PRDM2: variants seen among roughly 807,000 people sequenced by gnomAD.
PRDM2 encodes the protein PR/SET domain 2, also known as PR domain zinc finger protein 2.
Under a neutral mutation model 130.0 loss-of-function variants are expected in PRDM2, and 30 were observed. The observed-to-expected ratio is 0.23, with a 90% CI of 0.17 to 0.31. The LOEUF is 0.31. Ranked by LOEUF, PRDM2 falls within the 10% of genes least tolerant of loss-of-function variation. PRDM2 has a pLI of 1.00. For synonymous variants in PRDM2, 871 were observed against 782.4 expected (o/e 1.11, Z -1.89); for missense variants, 2,011 against 2,108.4 (o/e 0.95, Z 0.90).
At chr1:13,777,728 A>G (rs980511907) in intron 7 of PRDM2, among the ~76,000 whole-genome samples, 2 of 127,840 alleles carry the variant, frequency 1.6e-5, no homozygotes, top group Non-Finnish European at 3.2e-5. Context: ...GCCTTCTACC[A>G]CCCACCTCAG....
At chr1:13,802,671 C>T (rs1403739630) in intron 8 of PRDM2, among the ~76,000 whole-genome samples, 1 of 152,216 alleles carries the variant, frequency 6.6e-6, no homozygotes, top group Non-Finnish European at 1.5e-5. Context: ...AGTGTCCTTA[C>T]AGAATCTTAC....
At chr1:13,704,740 T>C (rs1642157687) in intron 1 of PRDM2, 1 of 152,228 alleles carries the variant, frequency 6.6e-6, no homozygotes, top group Non-Finnish European at 1.5e-5. Flanking sequence ...TTTCACATAA[T>C]TTAAATTATG....
At chr1:13,719,352 G>A (rs1022892372) in intron 2 of PRDM2, among the ~76,000 whole-genome samples, 1 of 152,208 alleles carries the variant, frequency 6.6e-6, no homozygotes, top group African/African-American at 2.4e-5. Context: ...CGGAGAGCAA[G>A]CTATGGTCTG....
intron 6 of PRDM2, among the ~76,000 whole-genome samples, chr1:13,761,634 C>T (rs1483898238): frequency 1.3e-5 from 2 of 152,016 alleles, no homozygotes; most frequent in African/African-American, 4.8e-5. Flanking sequence ...TGTTTACGTC[C>T]GTTTGTGACT....
chr1:13,778,487 C>T lies in PRDM2; in HGVS notation c.692C>T (p.Ala231Val). The T allele has an allele frequency of 6.2e-7, 1 of 1,614,142 alleles. No homozygotes were observed. Among genetic ancestry groups the T allele is most frequent in the Non-Finnish European group, 8.5e-7 (1 of 1,180,006 alleles). ...CAGCCGGCCACCCTCCAGGAGGTGG[C>T]CAGTCAGGAGGTGCCTCCAGAACTA... Reference protein sequence around the residue: ...LEQPATLQEVASQEVPPELAT... With the variant: ...LEQPATLQEVVSQEVPPELAT... Residue 231 changes from alanine (A) to valine (V), a missense_variant, in exon 8 of 10, where the codon GCC becomes GTC. Physicochemically the swap from Ala to Val is moderately conservative, Grantham distance 64. Around this residue, in one of 5 missense-constraint regions of PRDM2, gnomAD observed 1,288 missense variants for 1,237.7 expected, o/e 1.04. Transcript: ENST00000311066.
intron 9 of PRDM2, among the ~76,000 whole-genome samples, chr1:13,818,379 CTT>C (rs70984285): frequency 0.067 from 8,559 of 127,794 alleles, 298 homozygotes; most frequent in Non-Finnish European, 0.097. Flanking sequence ...TCTCTCTTTC[CTT>C]TTTTTTTTTT....
chr1:13,762,116 A>G (rs1479207463), intron 6 of PRDM2, among the ~76,000 whole-genome samples: 3 of 152,210 alleles, frequency 2.0e-5, no homozygotes, highest in Non-Finnish European at 4.4e-5. Context: ...CCATTTATTG[A>G]GTCTGTGCCA....
At chr1:13,809,205 T>C (rs1443296748) in intron 8 of PRDM2, among the ~76,000 whole-genome samples, 1 of 152,108 alleles carries the variant, frequency 6.6e-6, no homozygotes, top group Admixed American at 6.5e-5. Context: ...GCCATGGGGT[T>C]TTGACAGGTT....
chr1:13,781,564 A>G lies in PRDM2; in HGVS notation c.3769A>G (p.Lys1257Glu), dbSNP rs917968391. ...SLPEDPLETS[K>E]EEEELNDSSE... is the part of the protein sequence containing the mutation. ...GCCAGAAGATCCTTTAGAAACTTCTAAAGAAGAAGAGGAGTTAAATGATTC... is the reference window on the plus strand; with the variant it reads ...GCCAGAAGATCCTTTAGAAACTTCTGAAGAAGAAGAGGAGTTAAATGATTC... Residue 1257 changes from lysine (K) to glutamate (E), a missense_variant, in exon 8 of 10, where the codon AAA becomes GAA. Lys to Glu is a moderately conservative substitution (Grantham distance 56). This residue lies in a region of PRDM2 where 229 missense variants were observed against 364.1 expected (regional missense o/e 0.63). Coordinates refer to ENST00000311066, the MANE Select transcript of PRDM2 (RefSeq NM_001393986.1). This position sits in a 1 kb window ranked among gnomAD's most constrained non-coding sequence, Gnocchi z 6.1. 1.2e-6 allele frequency: 2 copies of G among 1,612,494 alleles called. No individual in the cohort carries two copies. Among genetic ancestry groups the G allele is most frequent in the Admixed American group, 3.3e-5 (2 of 60,012 alleles).
At chr1:13,821,963 T>A (rs1645359752) in intron 9 of PRDM2, among the ~76,000 whole-genome samples, 1 of 152,210 alleles carries the variant, frequency 6.6e-6, no homozygotes, top group South Asian at 2.1e-4. Context: ...TTGTAAAAGT[T>A]ATTTCTCCTC....
intron 9 of PRDM2, 95 bp from the exon 10 acceptor site, chr1:13,823,064 T>C (rs891720775): frequency 8.2e-7 from 1 of 1,221,546 alleles, no homozygotes; most frequent in Non-Finnish European, 1.2e-6. Flanking sequence ...ATAAACAGTT[T>C]AGTTACAAAA....
rs1644612887 is a variant in PRDM2, at chr1:13,781,542, A to G, written c.3747A>G (p.Pro1249=). 6.2e-7 allele frequency: 1 copy of G among 1,612,380 alleles called. No individual in the cohort carries two copies. The highest frequency in any genetic ancestry group is 8.5e-7 in the Non-Finnish European group (1 of 1,179,980). Residue 1249 remains proline, a synonymous_variant, in exon 8 of 10, where the codon CCA becomes CCG. Transcript: ENST00000311066. This position sits in a 1 kb window ranked among gnomAD's most constrained non-coding sequence, Gnocchi z 6.1. ...KAHVEHMQSL[P]EDPLETSKEE... ...ATGTAGAGCATATGCAGAGCTTGCCAGAAGATCCTTTAGAAACTTCTAAAG... is the reference window on the plus strand; with the variant it reads ...ATGTAGAGCATATGCAGAGCTTGCCGGAAGATCCTTTAGAAACTTCTAAAG...
intron 8 of PRDM2, among the ~76,000 whole-genome samples, chr1:13,809,854 A>T (rs984338761): frequency 4.6e-5 from 7 of 151,798 alleles, no homozygotes; most frequent in African/African-American, 9.7e-5. Context: ...AATGACAGAA[A>T]TTTTTTTTTC....
chr1:13,761,339 T>A (rs1644092449), intron 6 of PRDM2, among the ~76,000 whole-genome samples: 1 of 152,224 alleles, frequency 6.6e-6, no homozygotes, highest in Non-Finnish European at 1.5e-5. Context: ...ATGACAAATT[T>A]TTTTTTACAG....
intron 8 of PRDM2, among the ~76,000 whole-genome samples, chr1:13,799,394 GAGATCGCGCC>G (rs1644972314): frequency 1.3e-5 from 2 of 151,202 alleles, no homozygotes; most frequent in South Asian, 4.2e-4. Flanking sequence ...GCCATGAGCT[GAGATCGCGCC>G]ATTGCACTCC....
intron 8 of PRDM2, among the ~76,000 whole-genome samples, chr1:13,808,596 C>T (rs917626919): frequency 6.6e-6 from 1 of 151,898 alleles, no homozygotes; most frequent in Non-Finnish European, 1.5e-5. Flanking sequence ...CATAGTAAGT[C>T]CATTTTCCCT....
In PRDM2 at chr1:13,778,766, A is replaced by C; in HGVS notation, c.971A>C (p.Lys324Thr). The C allele has an allele frequency of 6.2e-7, 1 of 1,614,098 alleles. No individual in the cohort carries two copies. Among genetic ancestry groups the C allele is most frequent in the Non-Finnish European group, 8.5e-7 (1 of 1,180,040 alleles). Residue 324 changes from lysine to threonine, a missense_variant, in exon 8 of 10, where the codon AAA becomes ACA. Lys to Thr is a moderately conservative substitution (Grantham distance 78). This residue lies in a region of PRDM2 where 1,288 missense variants were observed against 1,237.7 expected (regional missense o/e 1.04). Transcript: ENST00000311066. ...CCAGAAGATTTATTAGAGGAACCAA[A>C]AACAACTTCAGAAGAAACTCTTGAA... ...EKPEDLLEEP[K>T]TTSEETLEDC...
chr1:13,780,872 C>G lies in PRDM2; in HGVS notation c.3077C>G (p.Thr1026Arg). 6.2e-7 allele frequency: 1 copy of G among 1,612,646 alleles called. No homozygotes were observed. Among genetic ancestry groups the G allele is most frequent in the Non-Finnish European group, 8.5e-7 (1 of 1,178,996 alleles). Residue 1026 changes from threonine to arginine, a missense_variant, in exon 8 of 10, where the codon ACA becomes AGA. Around this residue, in one of 5 missense-constraint regions of PRDM2, gnomAD observed 1,288 missense variants for 1,237.7 expected, o/e 1.04. Coordinates refer to ENST00000311066, the MANE Select transcript of PRDM2 (RefSeq NM_001393986.1). ...TCCCCACTTCCAATTCTGTCCCCAA[C>G]AGTGTCCCCCTCTCCCTCTCCCATT... ...AQSPLPILSPTVSPSPSPIPP... is the reference protein window; with the variant it reads ...AQSPLPILSPRVSPSPSPIPP...
At chr1:13,793,247 A>G (rs1462751749) in intron 8 of PRDM2, among the ~76,000 whole-genome samples, 3 of 152,258 alleles carry the variant, frequency 2.0e-5, no homozygotes, top group African/African-American at 4.8e-5. Flanking sequence ...CACCTGCCAC[A>G]TGCCGTGCGC....
Sources: allele counts gnomAD v4.1 joint callset (sites outside exome capture counted in the v4.1 genomes callset), GRCh38; gene constraint gnomAD v4.1.1; regional missense constraint gnomAD v4.1.1; non-coding constraint Gnocchi (gnomAD v3.1); transcripts MANE v1.5; gene names NCBI Gene and HGNC (gene_info 2026-07-23, HGNC 2026-07-21).